The following GPATCH1 variants were observed in gnomAD, a reference collection of about 807,000 sequenced individuals.
GPATCH1 encodes the protein G-patch domain containing 1, also known as G patch domain-containing protein 1.
In GPATCH1, 73 loss-of-function variants were observed where a neutral mutation model predicts 114.9. The observed-to-expected ratio is 0.64, with a 90% confidence interval of 0.53 to 0.77. The LOEUF (loss-of-function observed/expected upper bound fraction) is 0.77. Among genes scored for constraint, GPATCH1 ranks in the 30% least tolerant of loss-of-function variants. The pLI, the probability that GPATCH1 is intolerant of heterozygous loss-of-function variation, is 0.00. For synonymous variants in GPATCH1, 391 were observed against 428.4 expected (o/e 0.91, Z 1.08); for missense variants, 1,058 against 1,144.3 (o/e 0.92, Z 1.09).
chr19:33,113,967 C>G, intron 14 of GPATCH1, 64 bp downstream of exon 14: 1 of 1,471,068 alleles, frequency 6.8e-7, no homozygotes, highest in Non-Finnish European at 9.4e-7. Context: ...TGTAGGAAGA[C>G]AGAATTAAAG....
chr19:33,093,763 C>A (rs1298414517), intron 4 of GPATCH1, among the ~76,000 whole-genome samples: 1 of 152,186 alleles, frequency 6.6e-6, no homozygotes, highest in Admixed American at 6.5e-5. Context: ...ATTACAGTGA[C>A]TTCTCCCACC....
intron 19 of GPATCH1, among the ~76,000 whole-genome samples, chr19:33,129,418 T>TAAAA (rs775961548): frequency 7.3e-6 from 1 of 137,044 alleles, no homozygotes; most frequent in Non-Finnish European, 1.6e-5. Context: ...ATAAAAAAAT[T>TAAAA]AAAAAAAAAA....
chr19:33,097,671 C>G, intron 7 of GPATCH1, 84 bp from the exon 8 acceptor site: 1 of 1,262,594 alleles, frequency 7.9e-7, no homozygotes, highest in Non-Finnish European at 1.1e-6. Flanking sequence ...GGTTTCCAAT[C>G]ACATCCTTAA....
rs925314034 is a variant in GPATCH1, at chr19:33,093,574, T to C, written c.455+55T>C. ...TTAGCACCGGTGTTTTGCATATGTG[T>C]GATTCTCTTGCTGAGGGATAGTTTG... On this transcript the variant is annotated intron_variant, in intron 4 of 19. Transcript: ENST00000170564. 3 of 1,472,712 alleles carry C rather than the reference T, an allele frequency of 2.0e-6. No homozygotes were observed. The African/African-American group carries it at 4.2e-5, about 21-fold the overall frequency. 91.2% of individuals were successfully genotyped at this position (1,472,712 alleles called of 1,614,324 possible).
chr19:33,096,118 C>G, intron 6 of GPATCH1, 89 bp from the exon 7 acceptor site: 1 of 1,302,112 alleles, frequency 7.7e-7, no homozygotes, highest in South Asian at 1.4e-5. Flanking sequence ...TTCTGTGTGG[C>G]ATTAATCACT....
intron 17 of GPATCH1, among the ~76,000 whole-genome samples, chr19:33,124,759 T>C (rs1973021360): frequency 6.6e-6 from 1 of 152,146 alleles, no homozygotes; most frequent in South Asian, 2.1e-4. Context: ...AGTTCCAATT[T>C]TGGTCTGTTT....
intron 17 of GPATCH1, among the ~76,000 whole-genome samples, chr19:33,123,034 T>C (rs1444025200): frequency 1.3e-5 from 2 of 151,698 alleles, no homozygotes; most frequent in African/African-American, 4.8e-5. Flanking sequence ...ATCCCACTGC[T>C]GCACTCCAGC....
chr19:33,126,090 G>A (rs1162188455), intron 18 of GPATCH1, among the ~76,000 whole-genome samples: 1 of 152,188 alleles, frequency 6.6e-6, no homozygotes, highest in African/African-American at 2.4e-5. Flanking sequence ...CGGATGACGG[G>A]CGTTCCCTCC....
At chr19:33,088,112 C>CTTTTTT (rs35343047) in intron 1 of GPATCH1, 22 bp from the exon 2 acceptor site, 7 of 1,104,284 alleles carry the variant, frequency 6.3e-6, no homozygotes, top group Non-Finnish European at 7.1e-6. Flanking sequence ...ATTTAAAAAA[C>CTTTTTT]TTTTTTTTTT....
intron 4 of GPATCH1, 27 bp downstream of exon 4, chr19:33,093,546 A>T (rs1374328838): frequency 6.3e-7 from 1 of 1,593,592 alleles, no homozygotes. Context: ...GACTGTCATG[A>T]TCTTAGCACC....
intron 10 of GPATCH1, among the ~76,000 whole-genome samples, chr19:33,109,403 G>A (rs1340546455): frequency 6.6e-6 from 1 of 151,940 alleles, no homozygotes; most frequent in African/African-American, 2.4e-5. Flanking sequence ...CTGTAGTCCC[G>A]GCTACTCGGT....
intron 11 of GPATCH1, 108 bp from the exon 12 acceptor site, chr19:33,111,616 A>T: frequency 1.1e-6 from 1 of 941,322 alleles, no homozygotes; most frequent in South Asian, 1.6e-5. Flanking sequence ...AAACAAGGAT[A>T]AGGACTTATG....
At chr19:33,107,011 A>G in intron 10 of GPATCH1, 112 bp downstream of exon 10, 1 of 750,764 alleles carries the variant, frequency 1.3e-6, no homozygotes, top group Non-Finnish European at 2.3e-6. Flanking sequence ...TGTATTCCCA[A>G]ACTGTGGAAA....
chr19:33,130,011 G>A (rs1973085298), intron 19 of GPATCH1, 119 bp from the exon 20 acceptor site: 1 of 697,268 alleles, frequency 1.4e-6, no homozygotes, highest in Non-Finnish European at 2.6e-6. Flanking sequence ...AGTGCATTTT[G>A]TAGGTGCAGA....
At chr19:33,088,310 A>G (rs773650067) in intron 2 of GPATCH1, 42 bp downstream of exon 2, 1 of 1,397,224 alleles carries the variant, frequency 7.2e-7, no homozygotes, top group Non-Finnish European at 9.9e-7. Flanking sequence ...ATTAAAGCAA[A>G]TGATCAAAAT....
At chr19:33,125,225 A>G in intron 18 of GPATCH1, 23 bp downstream of exon 18, 2 of 1,577,162 alleles carry the variant, frequency 1.3e-6, no homozygotes, top group Non-Finnish European at 1.7e-6. Context: ...TGTGTACCCC[A>G]GGATCAGTGT....
intron 2 of GPATCH1, among the ~76,000 whole-genome samples, chr19:33,089,970 CT>C (rs1327180396): frequency 6.6e-6 from 1 of 152,194 alleles, no homozygotes. Flanking sequence ...GGGTCTCACT[CT>C]GTCGCCCAGG....
At chr19:33,104,812 T>A (rs544459030) in intron 9 of GPATCH1, among the ~76,000 whole-genome samples, 2 of 152,180 alleles carry the variant, frequency 1.3e-5, no homozygotes, top group African/African-American at 4.8e-5. Flanking sequence ...TAGAGAATAT[T>A]TCAGTGTGAA....
intron 3 of GPATCH1, among the ~76,000 whole-genome samples, chr19:33,092,045 TTTTC>T (rs1972602255): frequency 1.4e-5 from 2 of 146,382 alleles, no homozygotes; most frequent in South Asian, 4.9e-4. Flanking sequence ...GTCCCTTTTC[TTTTC>T]TTTTTTTTTT....
Sources: gnomAD v4.1 joint callset for allele counts (sites outside exome capture counted in the v4.1 genomes callset) on GRCh38, gnomAD v4.1.1 for gene constraint, MANE v1.5 for transcripts, NCBI Gene and HGNC (gene_info 2026-07-23, HGNC 2026-07-21) for gene names.